COL11A1: variants seen among roughly 807,000 people sequenced by gnomAD.
COL11A1 encodes collagen type XI alpha 1 chain, also known as collagen alpha-1(XI) chain.
In COL11A1, 74 loss-of-function variants were observed where a neutral mutation model predicts 265.2. The ratio of observed to expected loss-of-function variants is 0.28; its 90% CI spans 0.23 to 0.34. The LOEUF is 0.34. Among genes scored for constraint, COL11A1 ranks in the 10% least tolerant of loss-of-function variants. The pLI is 1.00. For missense variants in COL11A1, 2,165 were observed against 2,263.6 expected, an observed-to-expected ratio of 0.96 and a Z score of 0.88; for synonymous variants, 816 against 727.6, an observed-to-expected ratio of 1.12 and a Z score of -1.96.
intron 9 of COL11A1, among the ~76,000 whole-genome samples, chr1:103,019,946 C>T (rs1181728815): frequency 6.9e-6 from 1 of 145,668 alleles, no homozygotes; most frequent in Non-Finnish European, 1.5e-5. Flanking sequence ...GCATAGTATT[C>T]CATGGTGTAT....
At chr1:103,002,116 G>A (rs1307389962) in intron 23 of COL11A1, 147 bp from the exon 24 acceptor site, 12 of 757,592 alleles carry the variant, frequency 1.6e-5, no homozygotes, top group East Asian at 2.7e-5. Context: ...TTTAGAACAC[G>A]ATGAGGAGTT....
intron 22 of COL11A1, 80 bp from the exon 23 acceptor site, chr1:103,002,561 T>A: frequency 7.9e-7 from 1 of 1,264,896 alleles, no homozygotes; most frequent in South Asian, 1.3e-5. Flanking sequence ...GGAAAATACC[T>A]CTACCCACCC....
At position 102,890,451 on chromosome 1, in the gene COL11A1, CT is replaced by C; in HGVS notation, c.4355del (p.Lys1452ArgfsTer6). 1 of 1,606,846 alleles carries C rather than the reference CT, an allele frequency of 6.2e-7. No individual in the cohort carries two copies. The highest frequency in any genetic ancestry group is 8.5e-7 in the Non-Finnish European group (1 of 1,176,090). On this transcript the variant is annotated frameshift_variant and splice_region_variant, in exon 58 of 67. Transcript: ENST00000370096. LOFTEE classifies it high-confidence loss of function. The stretch of plus-strand genomic sequence containing the variant: ...TAATAACACATTCTTTTATTCTCAC[CT>C]TTTCACCCTTGGAGCCAGGGTCACC... ...LKGDPGSKGE[K>X]GHPGLIGLIG...
chr1:102,964,344 G>A (rs929937382), intron 38 of COL11A1, among the ~76,000 whole-genome samples: 30 of 152,112 alleles, frequency 2.0e-4, no homozygotes, highest in African/African-American at 7.2e-4. Context: ...TATTTTTGGA[G>A]GAAGCTTTCT....
At chr1:103,027,138 T>C (rs569299150) in intron 5 of COL11A1, among the ~76,000 whole-genome samples, 1 of 151,442 alleles carries the variant, frequency 6.6e-6, no homozygotes, top group Non-Finnish European at 1.5e-5. Flanking sequence ...TTATACTAAT[T>C]TCTTCTGTAT....
At chr1:103,002,935 C>A in intron 21 of COL11A1, 144 bp from the exon 22 acceptor site, 1 of 849,852 alleles carries the variant, frequency 1.2e-6, no homozygotes, top group Non-Finnish European at 1.9e-6. Flanking sequence ...GAAGAAGAGA[C>A]AAGACCTATA....
intron 14 of COL11A1, among the ~76,000 whole-genome samples, chr1:103,010,938 G>A (rs1666075082): frequency 6.6e-6 from 1 of 152,248 alleles, no homozygotes; most frequent in East Asian, 1.9e-4. Context: ...AACCTTAGGT[G>A]ATCCGCCCGC....
At chr1:103,094,110 G>C (rs1184879382) in intron 1 of COL11A1, among the ~76,000 whole-genome samples, 1 of 152,056 alleles carries the variant, frequency 6.6e-6, no homozygotes, top group African/African-American at 2.4e-5. Flanking sequence ...AGGAAATCAG[G>C]AAAGAGATTG....
intron 1 of COL11A1, among the ~76,000 whole-genome samples, chr1:103,104,412 T>C (rs1674530748): frequency 6.6e-6 from 1 of 152,148 alleles, no homozygotes. Flanking sequence ...GGTTCTATTT[T>C]AGTCACAAAT....
intron 2 of COL11A1, among the ~76,000 whole-genome samples, chr1:103,082,330 C>A (rs1380350334): frequency 6.6e-6 from 1 of 151,898 alleles, no homozygotes; most frequent in East Asian, 1.9e-4. Flanking sequence ...TCAACAGAAA[C>A]ATTTACCTTA....
At chr1:102,912,011 TA>T (rs1358731202) in intron 54 of COL11A1, 147 bp downstream of exon 54, 1 of 680,024 alleles carries the variant, frequency 1.5e-6, no homozygotes, top group African/African-American at 1.8e-5. Context: ...TTTTAGTTAT[TA>T]TTTGGCACAT....
chr1:103,055,754 A>T (rs1670195020), intron 4 of COL11A1, among the ~76,000 whole-genome samples: 1 of 152,330 alleles, frequency 6.6e-6, no homozygotes, highest in East Asian at 1.9e-4. Flanking sequence ...AGTGTATTTT[A>T]TGTGTGCCCC....
chr1:102,932,711 T>C (rs373655935), intron 46 of COL11A1, among the ~76,000 whole-genome samples: 32 of 151,600 alleles, frequency 2.1e-4, no homozygotes, highest in Middle Eastern at 3.4e-3. Flanking sequence ...CCATTCTCCC[T>C]ATCACTTTCA....
chr1:103,095,287 A>G (rs937317438), intron 1 of COL11A1, among the ~76,000 whole-genome samples: 1 of 152,064 alleles, frequency 6.6e-6, no homozygotes, highest in African/African-American at 2.4e-5. Flanking sequence ...TACATTTTAC[A>G]TAGAAAATTA....
intron 56 of COL11A1, 82 bp downstream of exon 56, chr1:102,898,584 T>C: frequency 9.9e-7 from 1 of 1,013,498 alleles, no homozygotes; most frequent in East Asian, 2.6e-5. Flanking sequence ...GAAATAATGC[T>C]AACATAGACA....
At position 102,890,445 on chromosome 1, in the gene COL11A1, T is replaced by G. The variant is rs1651604219; in HGVS notation, c.4356+6A>C. ...TTTTATTAATAACACATTCTTTTAT[T>G]CTCACCTTTTCACCCTTGGAGCCAG... On this transcript the variant is annotated splice_donor_region_variant and intron_variant, in intron 58 of 66. Coordinates refer to ENST00000370096, the MANE Select transcript of COL11A1 (RefSeq NM_001854.4). 6.2e-7 allele frequency: 1 copy of G among 1,606,684 alleles called. No individual in the cohort carries two copies. The highest frequency in any genetic ancestry group is 8.5e-7 in the Non-Finnish European group (1 of 1,175,768).
chr1:102,920,201 T>C, intron 49 of COL11A1, 110 bp downstream of exon 49: 1 of 984,420 alleles, frequency 1.0e-6, no homozygotes, highest in Non-Finnish European at 1.6e-6. Context: ...ATCATATAAC[T>C]ATGTAAAAGG....
intron 37 of COL11A1, among the ~76,000 whole-genome samples, chr1:102,967,227 C>CTTTTTTTT (rs35303945): frequency 0.036 from 1,884 of 52,764 alleles, 695 homozygotes; most frequent in East Asian, 0.067. Context: ...ATAATAAATT[C>CTTTTTTTT]TTTTTTTTTT....
intron 1 of COL11A1, among the ~76,000 whole-genome samples, chr1:103,097,823 A>T (rs1673905571): frequency 6.6e-6 from 1 of 152,016 alleles, no homozygotes; most frequent in African/African-American, 2.4e-5. Context: ...GAGAATAGAG[A>T]TCATCATATT....
Sources: gnomAD v4.1 joint callset for allele counts (sites outside exome capture counted in the v4.1 genomes callset) on GRCh38, gnomAD v4.1.1 for gene constraint, MANE v1.5 for transcripts, NCBI Gene and HGNC (gene_info 2026-07-23, HGNC 2026-07-21) for gene names.